Variants in VWF observed in about 807,000 individuals in gnomAD.
The protein encoded by VWF is Factor VIII related antigen.
Under a neutral mutation model 308.6 loss-of-function variants are expected in VWF, and 176 were observed. The ratio of observed to expected loss-of-function variants is 0.57; its 90% confidence interval spans 0.50 to 0.65. The LOEUF (loss-of-function observed/expected upper bound fraction) is 0.65, where lower values mean the gene tolerates loss of function less well. VWF is among the 30% of genes least tolerant of loss of function. VWF has a pLI of 0.00. For missense variants in VWF, 3,146 were observed against 3,648.2 expected (o/e 0.86, Z 3.55); for synonymous variants, 1,385 against 1,443.4 (o/e 0.96, Z 0.92).
intron 18 of VWF, among the ~76,000 whole-genome samples, chr12:6,041,877 A>G (rs1944400361): frequency 6.6e-6 from 1 of 152,244 alleles, no homozygotes; most frequent in Admixed American, 6.5e-5. Flanking sequence ...AAGAAAAAGC[A>G]TCCTTTACAG....
chr12:6,112,827 GACACACAC>G (rs58457258), intron 3 of VWF, among the ~76,000 whole-genome samples: 14 of 145,070 alleles, frequency 9.7e-5, no homozygotes, highest in East Asian at 4.1e-4. Context: ...CAGACACACA[GACACACAC>G]ACACACACAC....
In VWF at chr12:5,971,663, A is replaced by G; in HGVS notation, c.7484T>C (p.Leu2495Pro). 6.2e-7 allele frequency: 1 copy of G among 1,614,234 alleles called. No homozygotes were observed. The highest frequency in any genetic ancestry group is 8.5e-7 in the Non-Finnish European group (1 of 1,180,042). ...AGTCACCACCTCACAGGCAGATGGC[A>G]GGCACCTTCCACAGCACTCGCCTTC... ...LHEGECCGRC[L>P]PSACEVVTGS... Residue 2495 changes from leucine (L) to proline (P), a missense_variant, in exon 44 of 52, where the codon CTG (leucine) becomes CCG (proline). This residue lies in a region of VWF where 989 missense variants were observed against 1,117.4 expected (regional missense o/e 0.89). Coordinates refer to ENST00000261405, the MANE Select transcript of VWF (RefSeq NM_000552.5).
At chr12:6,003,814 CTTTT>C (rs34433330) in intron 34 of VWF, among the ~76,000 whole-genome samples, 1 of 122,824 alleles carries the variant, frequency 8.1e-6, no homozygotes, top group Admixed American at 9.2e-5. Context: ...CTTTCTCTCT[CTTTT>C]TTTTTTTTTT....
At chr12:6,002,535 A>G (rs115427917) in intron 34 of VWF, among the ~76,000 whole-genome samples, 2 of 152,064 alleles carry the variant, frequency 1.3e-5, no homozygotes, top group Admixed American at 6.5e-5. Context: ...TAAATGTGAA[A>G]ATCTAGATGA....
chr12:5,995,498 A>G (rs757295346), intron 35 of VWF, among the ~76,000 whole-genome samples: 1 of 152,230 alleles, frequency 6.6e-6, no homozygotes, highest in African/African-American at 2.4e-5. Context: ...CAAGTAAAGA[A>G]GTTGGCATAG....
At chr12:6,103,533 C>G (rs1945206778) in intron 5 of VWF, among the ~76,000 whole-genome samples, 1 of 118,082 alleles carries the variant, frequency 8.5e-6, no homozygotes, top group African/African-American at 3.6e-5. Flanking sequence ...TGTGTATATA[C>G]ACATATATGT....
intron 22 of VWF, among the ~76,000 whole-genome samples, chr12:6,029,054 G>A (rs1944227252): frequency 6.6e-6 from 1 of 151,540 alleles, no homozygotes; most frequent in Non-Finnish European, 1.5e-5. Context: ...CAAAATAAAG[G>A]GAGGGAGGAA....
rs963779203 is a variant in VWF, at chr12:6,060,379, C to T, written c.1534-2335G>A. On this transcript the variant is annotated intron_variant, in intron 13 of 51. Transcript: ENST00000261405. The surrounding 1 kb of genome is among the most constrained non-coding windows in gnomAD (Gnocchi z 5.1). The stretch of plus-strand genomic sequence containing the variant: ...CATAACACACCCAGGGGAAGGAGAC[C>T]GGGGGGCCCCTAGCTGCACCTCCTC... Among the ~76,000 whole-genome samples, 3 of 151,970 alleles carry T rather than the reference C, an allele frequency of 2.0e-5. No homozygotes were observed. Among genetic ancestry groups the T allele is most frequent in the Admixed American group, 1.3e-4 (2 of 15,260 alleles).
chr12:5,964,051 CA>C (rs541793303), intron 47 of VWF, among the ~76,000 whole-genome samples: 1 of 151,326 alleles, frequency 6.6e-6, no homozygotes, highest in Non-Finnish European at 1.5e-5. Context: ...ACTAAAAATA[CA>C]AAAAAAAGAA....
intron 47 of VWF, among the ~76,000 whole-genome samples, chr12:5,959,149 G>C (rs928086869): frequency 6.6e-6 from 1 of 152,190 alleles, no homozygotes; most frequent in Non-Finnish European, 1.5e-5. Context: ...CAAGGCTGTA[G>C]TGAGCCATGA....
intron 15 of VWF, among the ~76,000 whole-genome samples, chr12:6,055,624 T>C (rs952951549): frequency 6.6e-6 from 1 of 152,128 alleles, no homozygotes. Flanking sequence ...ATGAGTTGGC[T>C]CATTGGACCC....
chr12:5,951,903 T>G lies in VWF; in HGVS notation c.8116-20A>C, dbSNP rs2270152. The G allele has an allele frequency of 0.2, 330,437 of 1,612,966 alleles. 35,041 individuals carry two copies. Among genetic ancestry groups the G allele is most frequent in the South Asian group, 0.23 (20,883 of 91,046 alleles). The stretch of plus-strand genomic sequence containing the variant: ...TTTACCCTAAGAAAACAGCAAAATT[T>G]CAGGTTAGGCACAAACAGTACAGAG... On this transcript the variant is annotated intron_variant, in intron 49 of 51. Transcript: ENST00000261405.
intron 18 of VWF, among the ~76,000 whole-genome samples, chr12:6,044,062 T>A (rs965445348): frequency 1.3e-5 from 2 of 152,138 alleles, no homozygotes; most frequent in South Asian, 4.1e-4. Flanking sequence ...TTTTGTCAGA[T>A]CCTGTGAGGA....
intron 5 of VWF, among the ~76,000 whole-genome samples, chr12:6,098,620 T>C (rs1945129692): frequency 6.6e-6 from 1 of 151,420 alleles, no homozygotes; most frequent in Non-Finnish European, 1.5e-5. Flanking sequence ...CTACTAAAAA[T>C]AAACAAAAAT....
intron 21 of VWF, among the ~76,000 whole-genome samples, chr12:6,030,438 G>A (rs564210597): frequency 6.6e-6 from 1 of 152,332 alleles, no homozygotes; most frequent in East Asian, 1.9e-4. Context: ...CAGAGCTGCA[G>A]GCTGAGGCCA....
At position 6,036,412 on chromosome 12, in the gene VWF, G is replaced by A; in HGVS notation, c.2522C>T (p.Thr841Ile). 1 of 1,614,216 alleles carries A rather than the reference G, an allele frequency of 6.2e-7. No homozygotes were observed. Among genetic ancestry groups the A allele is most frequent in the Admixed American group, 1.7e-5 (1 of 60,030 alleles). Residue 841 changes from threonine to isoleucine, a missense_variant, in exon 19 of 52, where the codon ACA (threonine) becomes ATA (isoleucine). Thr to Ile is a moderately conservative substitution (Grantham distance 89). Coordinates refer to ENST00000261405, the MANE Select transcript of VWF (RefSeq NM_000552.5). ...HQGKEYAPGE[T>I]VKIGCNTCVC... ...CCAAGTGTTGCAGCCAATCTTCACT[G>A]TTTCTCCAGGGGCATACTCCTTGCC...
intron 43 of VWF, among the ~76,000 whole-genome samples, chr12:5,974,634 C>T (rs149246686): frequency 1.1e-4 from 17 of 152,246 alleles, no homozygotes; most frequent in African/African-American, 3.6e-4. Flanking sequence ...GGATGAACCA[C>T]GGATCTGAAA....
chr12:5,969,080 C>T, intron 45 of VWF, 131 bp downstream of exon 45: 1 of 993,334 alleles, frequency 1.0e-6, no homozygotes, highest in Non-Finnish European at 1.5e-6. Flanking sequence ...GCAGTAGGAG[C>T]AGATGGGAAG....
chr12:6,039,445 G>A (rs1231559469), intron 18 of VWF, among the ~76,000 whole-genome samples: 3 of 152,112 alleles, frequency 2.0e-5, no homozygotes, highest in East Asian at 1.9e-4. Context: ...ACTGCCTCTC[G>A]TTCATTCTCC....
Sources: allele counts gnomAD v4.1 joint callset (sites outside exome capture counted in the v4.1 genomes callset), GRCh38; gene constraint gnomAD v4.1.1; regional missense constraint gnomAD v4.1.1; non-coding constraint Gnocchi (gnomAD v3.1); transcripts MANE v1.5; gene names NCBI Gene and HGNC (gene_info 2026-07-23, HGNC 2026-07-21).